The following SGCG variants were observed in gnomAD, a reference collection of about 807,000 sequenced individuals.
SGCG encodes gamma-sarcoglycan.
In SGCG, 26 loss-of-function variants were observed where a neutral mutation model predicts 29.3. That is an observed-to-expected ratio of 0.89 (90% CI 0.65 to 1.23). SGCG has a LOEUF of 1.23. Ranked by LOEUF, SGCG falls within the 50% of genes most tolerant of loss-of-function variation. SGCG has a pLI of 0.00. For synonymous variants in SGCG, 145 were observed against 129.7 expected (o/e 1.12, Z -0.80); for missense variants, 353 against 356.0 (o/e 0.99, Z 0.07).
intron 4 of SGCG, among the ~76,000 whole-genome samples, chr13:23,274,698 G>C (rs1372950695): frequency 6.6e-6 from 1 of 152,068 alleles, no homozygotes; most frequent in Non-Finnish European, 1.5e-5. Flanking sequence ...CTGGGATTAT[G>C]GGCGTGAGCC....
At chr13:23,185,189 T>C (rs1364677045) in intron 1 of SGCG, among the ~76,000 whole-genome samples, 1 of 152,104 alleles carries the variant, frequency 6.6e-6, no homozygotes, top group African/African-American at 2.4e-5. Context: ...TTCACATAGA[T>C]AAAGTTGAAT....
At chr13:23,275,267 C>A (rs1480150215) in intron 4 of SGCG, among the ~76,000 whole-genome samples, 1 of 151,756 alleles carries the variant, frequency 6.6e-6, no homozygotes, top group Non-Finnish European at 1.5e-5. Flanking sequence ...GTAATCCCAG[C>A]ACTTTGGGAG....
chr13:23,287,147 C>T, intron 5 of SGCG, among the ~76,000 whole-genome samples: 1 of 152,118 alleles, frequency 6.6e-6, no homozygotes, highest in East Asian at 1.9e-4. Flanking sequence ...GTGATTATGT[C>T]ACTTATATGG....
chr13:23,304,662 G>GGCAGGATCCCAGCTCACTGCA, intron 6 of SGCG, among the ~76,000 whole-genome samples: 1 of 152,118 alleles, frequency 6.6e-6, no homozygotes, highest in East Asian at 1.9e-4. Context: ...GGAGTGCAGT[G>GGCAGGATCCCAGCTCACTGCA]GCAGGATCCC....
chr13:23,250,162 C>G (rs554175498), intron 3 of SGCG, among the ~76,000 whole-genome samples: 1 of 152,282 alleles, frequency 6.6e-6, no homozygotes, highest in African/African-American at 2.4e-5. Flanking sequence ...GTAATTATAA[C>G]TCTGCTGTAT....
intron 4 of SGCG, among the ~76,000 whole-genome samples, chr13:23,273,240 A>G (rs909450294): frequency 6.6e-6 from 1 of 151,470 alleles, no homozygotes; most frequent in African/African-American, 2.4e-5. Context: ...GCTTCAGTAC[A>G]ATGGCACGGT....
intron 1 of SGCG, among the ~76,000 whole-genome samples, chr13:23,192,012 G>A (rs11619888): frequency 0.18 from 27,622 of 150,772 alleles, 3,058 homozygotes; most frequent in East Asian, 0.48. Flanking sequence ...CGTCTCTACT[G>A]AAAATACAAA....
intron 4 of SGCG, among the ~76,000 whole-genome samples, chr13:23,259,849 C>T (rs1880356721): frequency 6.6e-6 from 1 of 152,096 alleles, no homozygotes; most frequent in Non-Finnish European, 1.5e-5. Context: ...TGTAGTTGAG[C>T]AGTTTTGAGT....
intron 5 of SGCG, among the ~76,000 whole-genome samples, chr13:23,283,030 C>T (rs1881365767): frequency 6.6e-6 from 1 of 152,186 alleles, no homozygotes; most frequent in African/African-American, 2.4e-5. Context: ...AAGTGTTTTA[C>T]TTCCAATTAT....
At chr13:23,269,873 T>TG (rs1166261664) in intron 4 of SGCG, among the ~76,000 whole-genome samples, 1 of 94,024 alleles carries the variant, frequency 1.1e-5, no homozygotes, top group African/African-American at 2.9e-5. Context: ...TTGTTTTTTT[T>TG]GTTTTTTTTG....
At chr13:23,260,441 C>G (rs1182947941) in intron 4 of SGCG, among the ~76,000 whole-genome samples, 2 of 152,038 alleles carry the variant, frequency 1.3e-5, no homozygotes, top group African/African-American at 4.8e-5. Context: ...GTGTATGTCT[C>G]TGCACATGAG....
intron 5 of SGCG, among the ~76,000 whole-genome samples, chr13:23,293,676 C>G (rs1017282570): frequency 6.6e-6 from 1 of 151,992 alleles, no homozygotes; most frequent in South Asian, 2.1e-4. Flanking sequence ...ACTAAAAATA[C>G]AAAATATTAG....
At chr13:23,220,386 G>C (rs1030894096) in intron 2 of SGCG, among the ~76,000 whole-genome samples, 13 of 152,104 alleles carry the variant, frequency 8.5e-5, no homozygotes, top group African/African-American at 3.1e-4. Flanking sequence ...GGAGGAGGAG[G>C]TTGCGATGAG....
At chr13:23,170,830 A>G in the SGCG span, among the ~76,000 whole-genome samples, 1 of 152,224 alleles carries the variant, frequency 6.6e-6, no homozygotes, top group Admixed American at 6.5e-5. Context: ...GAGCAAGACA[A>G]GTGCAGCTGC....
chr13:23,296,343 A>G (rs1881907781), intron 6 of SGCG, among the ~76,000 whole-genome samples: 1 of 152,246 alleles, frequency 6.6e-6, no homozygotes, highest in Non-Finnish European at 1.5e-5. Flanking sequence ...AAATAACATT[A>G]TAAAAACCAA....
At chr13:23,221,606 T>C (rs1878659562) in intron 2 of SGCG, among the ~76,000 whole-genome samples, 1 of 152,162 alleles carries the variant, frequency 6.6e-6, no homozygotes, top group African/African-American at 2.4e-5. Context: ...ACAAAGCCCA[T>C]TGTGGAATAG....
At chr13:23,314,744 A>G (rs1307483648) in intron 6 of SGCG, among the ~76,000 whole-genome samples, 1 of 152,082 alleles carries the variant, frequency 6.6e-6, no homozygotes, top group African/African-American at 2.4e-5. Context: ...CTTCTACCTC[A>G]GTAAAATTTT....
intron 1 of SGCG, among the ~76,000 whole-genome samples, chr13:23,190,930 A>C (rs935634207): frequency 6.6e-6 from 1 of 152,194 alleles, no homozygotes; most frequent in Non-Finnish European, 1.5e-5. Flanking sequence ...TATTTGGTGA[A>C]ACTTTTCTGT....
intron 6 of SGCG, among the ~76,000 whole-genome samples, chr13:23,315,916 G>T (rs936245952): frequency 1.3e-5 from 2 of 152,178 alleles, no homozygotes; most frequent in South Asian, 4.1e-4. Context: ...AGCAGAGAAG[G>T]ATTTTAATAA....
Sources: gnomAD v4.1 joint callset for allele counts (sites outside exome capture counted in the v4.1 genomes callset) on GRCh38, gnomAD v4.1.1 for gene constraint, MANE v1.5 for transcripts, NCBI Gene and HGNC (gene_info 2026-07-23, HGNC 2026-07-21) for gene names.